The following KCNK9 variants were observed in gnomAD, a reference collection of about 807,000 sequenced individuals.
KCNK9 encodes the protein potassium two pore domain channel subfamily K member 9, also known as potassium channel subfamily K member 9.
In KCNK9, 1 loss-of-function variant was observed where a neutral mutation model predicts 10.8. That is an observed-to-expected ratio of 0.09 (90% CI 0.03 to 0.44). The LOEUF (loss-of-function observed/expected upper bound fraction) is 0.44. KCNK9 is among the 20% of genes least tolerant of loss of function. KCNK9 has a pLI of 0.97. For synonymous variants in KCNK9, 231 were observed against 222.7 expected, an observed-to-expected ratio of 1.04 and a Z score of -0.33; for missense variants, 303 against 515.0, an observed-to-expected ratio of 0.59 and a Z score of 3.98.
chr8:139,696,951 G>A (rs1411380466), intron 1 of KCNK9, among the ~76,000 whole-genome samples: 3 of 151,448 alleles, frequency 2.0e-5, no homozygotes, highest in Non-Finnish European at 4.4e-5. Context: ...GTGGGTGGGT[G>A]GATGAATAGA....
chr8:139,672,804 C>T (rs921211763), intron 1 of KCNK9, among the ~76,000 whole-genome samples: 1 of 152,172 alleles, frequency 6.6e-6, no homozygotes, highest in Non-Finnish European at 1.5e-5. Context: ...TCACTTACAT[C>T]CTAGGGTGTG....
chr8:139,601,014 G>A (rs1007233175), downstream of KCNK9: 1 of 152,158 alleles, frequency 6.6e-6, no homozygotes, highest in African/African-American at 2.4e-5. Flanking sequence ...GTATGACTCA[G>A]AGGCACTGAG....
intron 1 of KCNK9, among the ~76,000 whole-genome samples, chr8:139,661,491 C>T (rs1346648424): frequency 6.6e-6 from 1 of 152,192 alleles, no homozygotes; most frequent in Non-Finnish European, 1.5e-5. Flanking sequence ...CAGGCTTGCC[C>T]TCGTCACAGC....
downstream of KCNK9, among the ~76,000 whole-genome samples, chr8:139,610,215 C>T (rs1814378139): frequency 6.6e-6 from 1 of 152,178 alleles, no homozygotes; most frequent in Non-Finnish European, 1.5e-5. Context: ...TGACAGTAGG[C>T]ACTCCTGGAT....
intron 1 of KCNK9, among the ~76,000 whole-genome samples, chr8:139,625,479 G>T (rs901177138): frequency 6.6e-6 from 1 of 152,206 alleles, no homozygotes. Flanking sequence ...GGAGGAGAAG[G>T]CAGCACATGG....
At chr8:139,685,933 C>T (rs1816778722) in intron 1 of KCNK9, among the ~76,000 whole-genome samples, 1 of 152,222 alleles carries the variant, frequency 6.6e-6, no homozygotes, top group Non-Finnish European at 1.5e-5. Context: ...TCCACATCCT[C>T]TCCAGCATCT....
intron 1 of KCNK9, among the ~76,000 whole-genome samples, chr8:139,629,455 G>A (rs985211424): frequency 3.3e-5 from 5 of 152,342 alleles, no homozygotes; most frequent in East Asian, 1.9e-4. Flanking sequence ...CAGTCCAAAC[G>A]TCCATCAGTG....
In KCNK9 at chr8:139,617,247, G is replaced by T. The variant is rs778524811; in HGVS notation, c.*1011C>A. On this transcript the variant is annotated 3_prime_UTR_variant, in exon 2 of 2. Transcript: ENST00000520439. ...TTCCAACACTATAATTCTTATTTAT[G>T]CAGGGTAGGTGCTGCACAAAATCAT... Among the ~76,000 whole-genome samples the T allele has an allele frequency of 6.6e-6, 1 of 152,152 alleles. No individual in the cohort carries two copies. The highest frequency in any genetic ancestry group is 1.5e-5 in the Non-Finnish European group (1 of 68,044).
chr8:139,635,412 G>A (rs1815307918), intron 1 of KCNK9, among the ~76,000 whole-genome samples: 1 of 152,216 alleles, frequency 6.6e-6, no homozygotes, highest in Admixed American at 6.5e-5. Context: ...AGGGGACCAG[G>A]GCCGGAAGGA....
intron 1 of KCNK9, among the ~76,000 whole-genome samples, chr8:139,662,171 C>T (rs986261792): frequency 7.2e-5 from 11 of 152,186 alleles, no homozygotes; most frequent in African/African-American, 2.4e-4. Context: ...GGCCTCTGGG[C>T]CTCCCCATCC....
downstream of KCNK9, among the ~76,000 whole-genome samples, chr8:139,614,869 A>C (rs944089748): frequency 6.6e-6 from 1 of 152,184 alleles, no homozygotes; most frequent in Non-Finnish European, 1.5e-5. Context: ...GGTACTGATG[A>C]TCCCTAAATA....
chr8:139,605,119 A>C (rs1358878238), intron 2 of KCNK9, among the ~76,000 whole-genome samples: 1 of 152,230 alleles, frequency 6.6e-6, no homozygotes, highest in African/African-American at 2.4e-5. Flanking sequence ...TATAAAGAAC[A>C]CTGAGCACCT....
At chr8:139,700,900 T>C (rs950218253) in intron 1 of KCNK9, among the ~76,000 whole-genome samples, 6 of 152,242 alleles carry the variant, frequency 3.9e-5, no homozygotes, top group Non-Finnish European at 4.4e-5. Flanking sequence ...CTCGATGTTG[T>C]CGCTCAACTC....
downstream of KCNK9, chr8:139,611,440 C>T (rs1221278098): frequency 1.3e-5 from 2 of 152,354 alleles, no homozygotes; most frequent in Non-Finnish European, 2.9e-5. Context: ...GTGTGCTTGC[C>T]TCTCTCAAGG....
chr8:139,634,346 A>G (rs1372577043), intron 1 of KCNK9, among the ~76,000 whole-genome samples: 1 of 152,146 alleles, frequency 6.6e-6, no homozygotes, highest in Non-Finnish European at 1.5e-5. Flanking sequence ...CCTCATGGGA[A>G]AGGCAGGCAT....
rs1350359177 is a variant in KCNK9, at chr8:139,702,963, G to A, written c.30C>T (p.Ser10=). The A allele has an allele frequency of 1.9e-6, 3 of 1,603,938 alleles. No homozygotes were observed. The highest frequency in any genetic ancestry group is 2.6e-6 in the Non-Finnish European group (3 of 1,175,740). The part of the protein sequence containing the change: MKRQNVRTL[S]LIVCTFTYLL... Reference sequence around the variant, plus strand: ...GGTAGGTGAAGGTGCAGACGATGAGGGACAGAGTCCGCACGTTCTGCCTCT... The same window carrying A: ...GGTAGGTGAAGGTGCAGACGATGAGAGACAGAGTCCGCACGTTCTGCCTCT... The change falls in exon 1 of 2, where the codon TCC becomes TCT. Residue 10 remains serine (S), a synonymous_variant. Coordinates refer to ENST00000520439, the MANE Select transcript of KCNK9 (RefSeq NM_001282534.2). This position sits in a 1 kb window ranked among gnomAD's most constrained non-coding sequence, Gnocchi z 7.5.
At chr8:139,668,174 G>C (rs996321529) in intron 1 of KCNK9, among the ~76,000 whole-genome samples, 3 of 152,116 alleles carry the variant, frequency 2.0e-5, no homozygotes, top group Admixed American at 2.0e-4. Flanking sequence ...ATTTGCTGAG[G>C]AATGTTTTGG....
downstream of KCNK9, chr8:139,615,877 G>A (rs1814573888): frequency 6.6e-6 from 1 of 152,078 alleles, no homozygotes; most frequent in Non-Finnish European, 1.5e-5. Flanking sequence ...GTGTAGTGGA[G>A]AAACCAGCTC....
intron 1 of KCNK9, among the ~76,000 whole-genome samples, chr8:139,698,128 G>A (rs535951891): frequency 1.2e-4 from 18 of 152,352 alleles, no homozygotes; most frequent in Admixed American, 8.5e-4. Context: ...CACAGTTGGA[G>A]CCTTCAGTAA....
Sources: allele counts gnomAD v4.1 joint callset (sites outside exome capture counted in the v4.1 genomes callset), GRCh38; gene constraint gnomAD v4.1.1; non-coding constraint Gnocchi (gnomAD v3.1); transcripts MANE v1.5; gene names NCBI Gene and HGNC (gene_info 2026-07-23, HGNC 2026-07-21).